XKR4: variants seen among roughly 807,000 people sequenced by gnomAD.
The protein encoded by XKR4 is XK related 4.
In XKR4, 12 loss-of-function variants were observed where a neutral mutation model predicts 53.9. That is an observed-to-expected ratio of 0.22 (90% CI 0.14 to 0.36). The LOEUF is 0.36. XKR4 is among the 10% of genes least tolerant of loss of function. The pLI is 1.00. For synonymous variants in XKR4, 354 were observed against 362.4 expected (o/e 0.98, Z 0.26); for missense variants, 799 against 859.5 (o/e 0.93, Z 0.88).
intron 1 of XKR4, chr8:55,161,592 G>A (rs1199705778): frequency 2.2e-6 from 1 of 456,328 alleles, no homozygotes; most frequent in Non-Finnish European, 4.4e-6. Context: ...GTCTGCATTT[G>A]TTAGATGTGG....
chr8:55,219,559 G>A (rs924873374), intron 1 of XKR4, among the ~76,000 whole-genome samples: 4 of 152,180 alleles, frequency 2.6e-5, no homozygotes, highest in African/African-American at 9.7e-5. Context: ...TGAGAAGGAT[G>A]TCTCTGCATA....
At chr8:55,242,058 T>C (rs1585961730) in intron 1 of XKR4, among the ~76,000 whole-genome samples, 1 of 152,190 alleles carries the variant, frequency 6.6e-6, no homozygotes, top group Admixed American at 6.5e-5. Context: ...TTCTGAATGG[T>C]TTAAGTGCCA....
chr8:55,230,361 C>T (rs1424384988), intron 1 of XKR4, among the ~76,000 whole-genome samples: 1 of 73,166 alleles, frequency 1.4e-5, no homozygotes, highest in Non-Finnish European at 3.3e-5. Flanking sequence ...TAGAAAGAGA[C>T]ACTTTTTTTT....
rs141922501 is a variant in XKR4 at position 55,264,576 on chromosome 8, C to T, written c.807-93102C>T. Among the ~76,000 whole-genome samples, 417 of 152,306 alleles carry T rather than the reference C, an allele frequency of 2.7e-3. 3 individuals are homozygous for T. Among genetic ancestry groups the T allele is most frequent in the African/African-American group, 9.4e-3 (391 of 41,566 alleles). On this transcript the variant is annotated intron_variant, in intron 1 of 2. Transcript: ENST00000327381. ...ACTGGTAAAGTCAATGTCTAAGCCA[C>T]ATTTCGTACCTTAGTATGTGAAACT...
chr8:55,409,496 G>A (rs1482580555), intron 2 of XKR4, among the ~76,000 whole-genome samples: 1 of 152,170 alleles, frequency 6.6e-6, no homozygotes, highest in Non-Finnish European at 1.5e-5. Context: ...GAATCTGTAA[G>A]TGGTAAGACT....
intron 1 of XKR4, among the ~76,000 whole-genome samples, chr8:55,185,477 C>T (rs182397113): frequency 2.3e-3 from 350 of 152,260 alleles, no homozygotes; most frequent in African/African-American, 6.9e-3. Flanking sequence ...ATAATTTGAA[C>T]GCTCTTTTAA....
intron 1 of XKR4, among the ~76,000 whole-genome samples, chr8:55,162,406 A>G (rs1280494680): frequency 3.9e-5 from 6 of 152,246 alleles, no homozygotes; most frequent in African/African-American, 1.2e-4. Context: ...AAATGTTACT[A>G]TCTCCTGCAC....
chr8:55,103,329 T>G, intron 1 of XKR4, 35 bp downstream of exon 1: 5 of 1,557,410 alleles, frequency 3.2e-6, no homozygotes, highest in Non-Finnish European at 4.4e-6. Flanking sequence ...GGAGGCTTGC[T>G]GCTGCTACTA....
chr8:55,511,482 G>C (rs1806624774), intron 2 of XKR4, among the ~76,000 whole-genome samples: 1 of 151,374 alleles, frequency 6.6e-6, no homozygotes, highest in Non-Finnish European at 1.5e-5. Flanking sequence ...TTCCCTTTCT[G>C]CCTCCTTTTC....
At chr8:55,126,545 G>C (rs538407549) in intron 1 of XKR4, among the ~76,000 whole-genome samples, 1 of 152,180 alleles carries the variant, frequency 6.6e-6, no homozygotes, top group Non-Finnish European at 1.5e-5. Context: ...AATTTAGAAG[G>C]CAAAATTGTG....
At chr8:55,164,789 TACACACAC>T (rs3048687) in intron 1 of XKR4, 52 of 167,096 alleles carry the variant, frequency 3.1e-4, no homozygotes, top group African/African-American at 1.2e-3. Context: ...CACACACACA[TACACACAC>T]ACACACACAC....
At chr8:55,271,331 C>A (rs76835570) in intron 1 of XKR4, among the ~76,000 whole-genome samples, 2,383 of 152,276 alleles carry the variant, frequency 0.016, 27 homozygotes, top group Non-Finnish European at 0.023. Context: ...AGCAGAGTGG[C>A]TATTACTAAA....
intron 2 of XKR4, among the ~76,000 whole-genome samples, chr8:55,385,634 G>T (rs560649397): frequency 2.3e-4 from 35 of 152,212 alleles, no homozygotes; most frequent in Non-Finnish European, 5.1e-4. Flanking sequence ...AGTAGATAGA[G>T]CAGGCTTCCA....
chr8:55,461,015 A>G (rs183329139), intron 2 of XKR4, among the ~76,000 whole-genome samples: 1 of 152,236 alleles, frequency 6.6e-6, no homozygotes, highest in African/African-American at 2.4e-5. Flanking sequence ...CCACAGCTCA[A>G]GGAGGCCTGC....
chr8:55,382,119 T>A (rs1404704791), intron 2 of XKR4, among the ~76,000 whole-genome samples: 1 of 152,234 alleles, frequency 6.6e-6, no homozygotes, highest in African/African-American at 2.4e-5. Flanking sequence ...GGAGATGCCT[T>A]TGTCAAATTT....
chr8:55,287,286 G>T (rs1207630998), intron 1 of XKR4, among the ~76,000 whole-genome samples: 1 of 151,974 alleles, frequency 6.6e-6, no homozygotes. Flanking sequence ...ATGTGTTACT[G>T]GTTGCTGGAG....
chr8:55,323,869 T>C (rs907240285), intron 1 of XKR4, among the ~76,000 whole-genome samples: 1 of 152,200 alleles, frequency 6.6e-6, no homozygotes, highest in Non-Finnish European at 1.5e-5. Context: ...CTATTATCAC[T>C]ATTCCACTAT....
At chr8:55,450,669 G>A in intron 2 of XKR4, 1 of 592,686 alleles carries the variant, frequency 1.7e-6, no homozygotes, top group East Asian at 3.8e-5. Context: ...TGAAGCCGCT[G>A]CTCTGTCCAG....
intron 2 of XKR4, among the ~76,000 whole-genome samples, chr8:55,463,111 T>A (rs1273540231): frequency 6.6e-6 from 1 of 152,152 alleles, no homozygotes; most frequent in Non-Finnish European, 1.5e-5. Flanking sequence ...AACTCAGCTC[T>A]ACACCAAGCA....
Sources: allele counts gnomAD v4.1 joint callset (sites outside exome capture counted in the v4.1 genomes callset), GRCh38; gene constraint gnomAD v4.1.1; transcripts MANE v1.5; gene names NCBI Gene and HGNC (gene_info 2026-07-23, HGNC 2026-07-21).